Variants in TTLL11 observed in about 807,000 individuals in gnomAD.
TTLL11 encodes the protein tubulin tyrosine ligase like 11, also known as tubulin polyglutamylase TTLL11.
A neutral mutation model predicts 51.7 loss-of-function variants in TTLL11; 42 were observed. That is an observed-to-expected ratio of 0.81 (90% CI 0.64 to 1.05). The LOEUF (loss-of-function observed/expected upper bound fraction) is 1.05. TTLL11 is among the 50% of genes least tolerant of loss of function. The probability of loss-of-function intolerance (pLI) is 0.00; values close to 1 mark genes in which losing one functional copy is unlikely to be tolerated. For synonymous variants in TTLL11, 381 were observed against 383.5 expected, an observed-to-expected ratio of 0.99 and a Z score of 0.08; for missense variants, 799 against 940.4, an observed-to-expected ratio of 0.85 and a Z score of 1.97.
Position 121,989,744 on chromosome 9 carries a change from G to A in TTLL11, c.720C>T (p.Pro240=). The change falls in exon 4 of 9, where the codon CCC becomes CCT. Residue 240 remains proline (P), a synonymous_variant. Transcript: ENST00000321582. This position sits in a 1 kb window ranked among gnomAD's most constrained non-coding sequence, Gnocchi z 4.2. ...AQVQMVKDDD[P]SWKPTFIVKP... is the part of the protein sequence containing the mutation. ...TCACGATAAAAGTGGGCTTCCAGGA[G>A]GGGTCATCGTCTTTCACCATTTGAA... 1 of 1,607,190 alleles carries A rather than the reference G, an allele frequency of 6.2e-7. No individual in the cohort carries two copies. Among genetic ancestry groups the A allele is most frequent in the South Asian group, 1.1e-5 (1 of 90,400 alleles).
intron 6 of TTLL11, among the ~76,000 whole-genome samples, chr9:121,888,451 C>T (rs1839099238): frequency 6.6e-6 from 1 of 152,208 alleles, no homozygotes; most frequent in Non-Finnish European, 1.5e-5. Context: ...GTGCAGTTTG[C>T]TGTGACAACG....
intron 2 of TTLL11, among the ~76,000 whole-genome samples, chr9:122,038,220 T>C (rs1261512068): frequency 6.6e-6 from 1 of 152,166 alleles, no homozygotes; most frequent in Admixed American, 6.5e-5. Context: ...TATAATATGG[T>C]CTGTGTAATA....
At chr9:121,944,464 C>T (rs1474385935) in intron 6 of TTLL11, among the ~76,000 whole-genome samples, 12 of 151,604 alleles carry the variant, frequency 7.9e-5, no homozygotes, top group African/African-American at 1.9e-4. Context: ...GCCGAGATCG[C>T]GCCACTGCAC....
At chr9:121,859,880 C>T (rs1837951204) in intron 8 of TTLL11, among the ~76,000 whole-genome samples, 2 of 152,194 alleles carry the variant, frequency 1.3e-5, no homozygotes, top group Non-Finnish European at 2.9e-5. Flanking sequence ...ATGAGGAGCT[C>T]CTCCGCTGAG....
At position 121,999,174 on chromosome 9, in the gene TTLL11, T is replaced by C. The variant is rs891131369; in HGVS notation, c.694-9404A>G. On this transcript the variant is annotated intron_variant, in intron 3 of 8. Transcript: ENST00000321582. Reference sequence around the variant, plus strand: ...ACCTCTGTCTCATTTGGTTCAATGCTGTCATGTTCTATCCAGGATCACAGG... The same window carrying C: ...ACCTCTGTCTCATTTGGTTCAATGCCGTCATGTTCTATCCAGGATCACAGG... Among the ~76,000 whole-genome samples, 5 of 152,358 alleles carry C rather than the reference T, an allele frequency of 3.3e-5. No homozygotes were observed. In the South Asian group the frequency reaches 1.0e-3, roughly 32 times the overall value.
At chr9:121,953,457 C>T (rs1455379803) in intron 6 of TTLL11, among the ~76,000 whole-genome samples, 1 of 151,764 alleles carries the variant, frequency 6.6e-6, no homozygotes, top group African/African-American at 2.4e-5. Context: ...CATGGTGAAA[C>T]CCCATCTCTA....
chr9:121,842,875 A>G (rs1424123702), intron 8 of TTLL11, among the ~76,000 whole-genome samples: 7 of 152,184 alleles, frequency 4.6e-5, no homozygotes, highest in Admixed American at 3.3e-4. Context: ...TTATGGCTCT[A>G]CCACTCACGA....
intron 6 of TTLL11, among the ~76,000 whole-genome samples, chr9:121,953,370 C>T (rs1193968783): frequency 6.6e-6 from 1 of 152,100 alleles, no homozygotes; most frequent in Non-Finnish European, 1.5e-5. Flanking sequence ...CTGTGGCTCA[C>T]GTGTGTAATC....
intron 6 of TTLL11, among the ~76,000 whole-genome samples, chr9:121,922,416 T>C (rs1027522057): frequency 4.6e-5 from 7 of 152,212 alleles, no homozygotes; most frequent in African/African-American, 1.7e-4. Flanking sequence ...GAAGGAATTC[T>C]TGGGGTCCGG....
chr9:121,971,250 T>G (rs1265839268), intron 6 of TTLL11, among the ~76,000 whole-genome samples: 1 of 53,692 alleles, frequency 1.9e-5, no homozygotes, highest in Non-Finnish European at 4.4e-5. Context: ...AGCCGCCCCG[T>G]CCGGGAGGGA....
intron 6 of TTLL11, among the ~76,000 whole-genome samples, chr9:121,963,159 G>A (rs528182836): frequency 7.7e-4 from 117 of 152,192 alleles, no homozygotes; most frequent in African/African-American, 2.6e-3. Context: ...CAGATCCTAC[G>A]TGAGGACTAG....
chr9:121,919,976 C>A (rs1196182092), intron 6 of TTLL11, among the ~76,000 whole-genome samples: 2 of 151,784 alleles, frequency 1.3e-5, no homozygotes, highest in Non-Finnish European at 2.9e-5. Flanking sequence ...AAGTTCTTTG[C>A]ATGCATTATA....
intron 6 of TTLL11, among the ~76,000 whole-genome samples, chr9:121,927,628 A>ATTT (rs59367881): frequency 6.9e-6 from 1 of 144,138 alleles, no homozygotes; most frequent in South Asian, 2.2e-4. Context: ...AGAAGGTGGC[A>ATTT]TTTTTTTTTT....
intron 6 of TTLL11, among the ~76,000 whole-genome samples, chr9:121,928,765 T>C (rs572009957): frequency 6.6e-6 from 1 of 151,574 alleles, no homozygotes; most frequent in Admixed American, 6.6e-5. Context: ...TGAAATGGGG[T>C]CTTGCTATGT....
chr9:121,818,330 G>A lies in TTLL11; in HGVS notation c.*4257C>T, dbSNP rs902055770. The A allele has an allele frequency of 6.6e-6, 1 of 152,344 alleles. No individual in the cohort carries two copies. Among genetic ancestry groups the A allele is most frequent in the African/African-American group, 2.4e-5 (1 of 41,476 alleles). 9.4% of individuals were successfully genotyped at this position (152,344 alleles called of 1,614,324 possible). The stretch of plus-strand genomic sequence containing the variant: ...AGCCAACAAGGCAGCCGGGAATGTA[G>A]AGGTGTTCAGCGGATCGGCTTGGCA... On this transcript the variant is annotated 3_prime_UTR_variant, in exon 9 of 9. Coordinates refer to ENST00000321582, the MANE Select transcript of TTLL11 (RefSeq NM_001139442.2).
intron 6 of TTLL11, among the ~76,000 whole-genome samples, chr9:121,932,969 G>T (rs1841051289): frequency 6.6e-6 from 1 of 152,160 alleles, no homozygotes; most frequent in African/African-American, 2.4e-5. Context: ...CTGTAAAGAG[G>T]TATGTGAGAA....
At chr9:121,991,790 T>C (rs1457502872) in intron 3 of TTLL11, among the ~76,000 whole-genome samples, 4 of 152,184 alleles carry the variant, frequency 2.6e-5, no homozygotes, top group Non-Finnish European at 5.9e-5. Flanking sequence ...CATAGAATCA[T>C]TGAATTTTTA....
chr9:121,860,679 C>T lies in TTLL11; in HGVS notation c.1734-236G>A, dbSNP rs180941618. On this transcript the variant is annotated intron_variant, in intron 7 of 8. Coordinates refer to ENST00000321582, the MANE Select transcript of TTLL11 (RefSeq NM_001139442.2). ...CTAGGAAGAGACACTAGAGAGCCTG[C>T]CTCCTCTCTACTCTCCACCATGTGA... is the stretch of plus-strand genomic sequence containing the variant. Among the ~76,000 whole-genome samples the T allele has an allele frequency of 9.1e-4, 138 of 152,314 alleles. 1 individual carries two copies. Among genetic ancestry groups the T allele is most frequent in the Non-Finnish European group, 1.6e-3 (107 of 68,028 alleles).
intron 3 of TTLL11, among the ~76,000 whole-genome samples, chr9:122,006,500 GA>G (rs1843649929): frequency 6.6e-6 from 1 of 151,928 alleles, no homozygotes; most frequent in Admixed American, 6.6e-5. Flanking sequence ...GATTATATAG[GA>G]AAATAGTTCA....
Sources: gnomAD v4.1 joint callset for allele counts (sites outside exome capture counted in the v4.1 genomes callset) on GRCh38, gnomAD v4.1.1 for gene constraint, Gnocchi (gnomAD v3.1) non-coding constraint, MANE v1.5 for transcripts, NCBI Gene and HGNC (gene_info 2026-07-23, HGNC 2026-07-21) for gene names.